The following RCOR1 variants were observed in gnomAD, a reference collection of about 807,000 sequenced individuals.
RCOR1 encodes the protein REST corepressor.
Under a neutral mutation model 64.0 loss-of-function variants are expected in RCOR1, and 12 were observed. The ratio of observed to expected loss-of-function variants is 0.19; its 90% CI spans 0.12 to 0.30. The LOEUF (loss-of-function observed/expected upper bound fraction) is 0.30. RCOR1 is among the 10% of genes least tolerant of loss of function. The pLI is 1.00. For synonymous variants in RCOR1, 279 were observed against 227.2 expected (o/e 1.23, Z -2.05); for missense variants, 502 against 621.2 (o/e 0.81, Z 2.04).
chr14:102,709,099 T>C (rs543802624), intron 6 of RCOR1, among the ~76,000 whole-genome samples: 3 of 152,358 alleles, frequency 2.0e-5, no homozygotes, highest in Admixed American at 6.5e-5. Flanking sequence ...CTCAGTCTTA[T>C]ATGTAGCATA....
chr14:102,600,226 T>TAC (rs1390947420), intron 2 of RCOR1, among the ~76,000 whole-genome samples: 6 of 151,270 alleles, frequency 4.0e-5, no homozygotes, highest in Non-Finnish European at 8.8e-5. Flanking sequence ...TAGCTGGGAT[T>TAC]ACAGGCGCCC....
chr14:102,643,121 A>C (rs1456705841), intron 2 of RCOR1, among the ~76,000 whole-genome samples: 1 of 152,172 alleles, frequency 6.6e-6, no homozygotes, highest in Non-Finnish European at 1.5e-5. Context: ...TCTCTACTAA[A>C]AACACAAAAA....
At chr14:102,613,048 G>C (rs1338444120) in intron 2 of RCOR1, among the ~76,000 whole-genome samples, 1 of 151,282 alleles carries the variant, frequency 6.6e-6, no homozygotes, top group Non-Finnish European at 1.5e-5. Flanking sequence ...GGTTTTTTTG[G>C]TTGTTGTTGT....
chr14:102,618,696 G>GTA (rs1268158927), intron 2 of RCOR1, among the ~76,000 whole-genome samples: 1 of 152,150 alleles, frequency 6.6e-6, no homozygotes, highest in African/African-American at 2.4e-5. Context: ...AAATAACTTT[G>GTA]TATATTAGAC....
At chr14:102,628,806 G>A (rs1185737636) in intron 2 of RCOR1, among the ~76,000 whole-genome samples, 3 of 151,968 alleles carry the variant, frequency 2.0e-5, no homozygotes, top group African/African-American at 4.8e-5. Context: ...CACCCACTTC[G>A]GCCTCCCAAA....
intron 2 of RCOR1, among the ~76,000 whole-genome samples, chr14:102,636,321 A>G (rs1266572125): frequency 6.6e-6 from 1 of 151,878 alleles, no homozygotes; most frequent in Non-Finnish European, 1.5e-5. Flanking sequence ...CTTGTCGCCC[A>G]GGCTGGAGTG....
At chr14:102,625,231 CTTTTTTTTTTTTT>C (rs61403856) in intron 2 of RCOR1, among the ~76,000 whole-genome samples, 1 of 79,180 alleles carries the variant, frequency 1.3e-5, no homozygotes, top group Non-Finnish European at 2.2e-5. Context: ...TATCTTGTTA[CTTTTTTTTTTTTT>C]TTTTTTTTTT....
intron 11 of RCOR1, among the ~76,000 whole-genome samples, chr14:102,723,694 T>A (rs1239230679): frequency 6.6e-6 from 1 of 152,220 alleles, no homozygotes; most frequent in Non-Finnish European, 1.5e-5. Context: ...CAGCACTAAT[T>A]GCCCCTGTTA....
intron 2 of RCOR1, among the ~76,000 whole-genome samples, chr14:102,620,021 C>T (rs1893841840): frequency 6.6e-6 from 1 of 152,184 alleles, no homozygotes; most frequent in Non-Finnish European, 1.5e-5. Context: ...TTCCACAGTT[C>T]CTGTCTTCCT....
At chr14:102,639,331 C>T (rs1220607199) in intron 2 of RCOR1, among the ~76,000 whole-genome samples, 2 of 144,104 alleles carry the variant, frequency 1.4e-5, no homozygotes, top group Non-Finnish European at 3.0e-5. Flanking sequence ...GTGACATGAT[C>T]AGGTTTCACT....
chr14:102,595,861 G>A (rs564500675), intron 2 of RCOR1, among the ~76,000 whole-genome samples: 1 of 152,266 alleles, frequency 6.6e-6, no homozygotes, highest in South Asian at 2.1e-4. Flanking sequence ...TTACAGGCAT[G>A]TGCCACCGCG....
intron 2 of RCOR1, among the ~76,000 whole-genome samples, chr14:102,610,871 T>C (rs530242215): frequency 1.3e-5 from 2 of 152,168 alleles, no homozygotes; most frequent in South Asian, 2.1e-4. Context: ...TTCGTTATTA[T>C]TAATTTTTAT....
chr14:102,640,143 C>T (rs914761710), intron 2 of RCOR1, among the ~76,000 whole-genome samples: 5 of 152,118 alleles, frequency 3.3e-5, no homozygotes, highest in African/African-American at 1.2e-4. Flanking sequence ...CCACACCCAG[C>T]CATATATATA....
chr14:102,600,657 G>A (rs925438347), intron 2 of RCOR1, among the ~76,000 whole-genome samples: 10 of 148,254 alleles, frequency 6.7e-5, no homozygotes, highest in East Asian at 2.0e-4. Context: ...TGCAAGTTCC[G>A]CCTCCTGGGT....
chr14:102,684,348 G>A (rs757112710), intron 3 of RCOR1, among the ~76,000 whole-genome samples: 8 of 152,152 alleles, frequency 5.3e-5, no homozygotes, highest in Admixed American at 6.5e-5. Context: ...CAGGGAAATC[G>A]AGTTGTTAGG....
At chr14:102,725,871 G>A (rs372865114) in intron 11 of RCOR1, among the ~76,000 whole-genome samples, 25 of 152,182 alleles carry the variant, frequency 1.6e-4, no homozygotes, top group Middle Eastern at 6.8e-3. Flanking sequence ...GTGCCGGGCC[G>A]TTTTCAGGCA....
intron 5 of RCOR1, among the ~76,000 whole-genome samples, chr14:102,708,200 C>T (rs934997666): frequency 2.0e-5 from 3 of 152,124 alleles, no homozygotes; most frequent in Admixed American, 6.5e-5. Flanking sequence ...CTCTTGACCT[C>T]GTGATCCACC....
At chr14:102,670,281 T>C (rs1226294799) in intron 2 of RCOR1, among the ~76,000 whole-genome samples, 1 of 152,170 alleles carries the variant, frequency 6.6e-6, no homozygotes, top group Non-Finnish European at 1.5e-5. Context: ...AAGCTTTATT[T>C]ATTATCTTTT....
Position 102,628,159 on chromosome 14 carries a change from G to A in RCOR1, c.361+34834G>A, listed in dbSNP as rs536752359. ...CCAGAGGAGTTCCCTCTTAAACTCA[G>A]CCTTTTTGTTCTCTTCAGGCTTTCT... On this transcript the variant is annotated intron_variant, in intron 2 of 11. Transcript: ENST00000262241. Among the ~76,000 whole-genome samples, 6 of 152,232 alleles carry A rather than the reference G, an allele frequency of 3.9e-5. No homozygotes were observed. In the South Asian group the frequency reaches 1.2e-3, roughly 32 times the overall value.
Sources: allele counts gnomAD v4.1 joint callset (sites outside exome capture counted in the v4.1 genomes callset), GRCh38; gene constraint gnomAD v4.1.1; transcripts MANE v1.5; gene names NCBI Gene and HGNC (gene_info 2026-07-23, HGNC 2026-07-21).